The following SPSB1 variants were observed in gnomAD, a reference collection of about 807,000 sequenced individuals.
The protein encoded by SPSB1 is splA/ryanodine receptor domain and SOCS box containing 1.
Under a neutral mutation model 21.2 loss-of-function variants are expected in SPSB1, and 8 were observed. That is an observed-to-expected ratio of 0.38 (90% CI 0.22 to 0.68). The LOEUF (loss-of-function observed/expected upper bound fraction) is 0.68, where lower values mean the gene tolerates loss of function less well. Ranked by LOEUF, SPSB1 falls within the 30% of genes least tolerant of loss-of-function variation. The probability of loss-of-function intolerance (pLI) is 0.53; values close to 1 mark genes in which losing one functional copy is unlikely to be tolerated. For synonymous variants in SPSB1, 169 were observed against 161.7 expected (o/e 1.05, Z -0.34); for missense variants, 242 against 377.8 (o/e 0.64, Z 2.98).
intron 1 of SPSB1, among the ~76,000 whole-genome samples, chr1:9,340,810 G>A (rs1345528933): frequency 1.3e-5 from 2 of 152,214 alleles, no homozygotes; most frequent in African/African-American, 4.8e-5. Context: ...CTTTCTCAAC[G>A]CAGCCTGTCT....
At chr1:9,299,404 C>T (rs1039523301) in intron 1 of SPSB1, among the ~76,000 whole-genome samples, 9 of 152,086 alleles carry the variant, frequency 5.9e-5, no homozygotes, top group Admixed American at 2.0e-4. Context: ...TTCAGGAGGC[C>T]GAGGCAGGAG....
At chr1:9,361,193 G>T (rs1173382370) in intron 2 of SPSB1, among the ~76,000 whole-genome samples, 1 of 80,432 alleles carries the variant, frequency 1.2e-5, no homozygotes, top group Non-Finnish European at 2.3e-5. Flanking sequence ...TAGAGATGGG[G>T]TCTCACTATG....
Position 9,356,590 on chromosome 1 carries a change from G to C in SPSB1, c.694+5G>C. ...GCTACTTGAACGGACTCGATCGTAA[G>C]TGTCTCCTCTGCTGTCAGAGGCAAT... On this transcript the variant is annotated splice_donor_5th_base_variant and intron_variant, in intron 2 of 2. Transcript: ENST00000328089. This position sits in a 1 kb window ranked among gnomAD's most constrained non-coding sequence, Gnocchi z 7.4. The C allele has an allele frequency of 6.3e-7, 1 of 1,578,976 alleles. No homozygotes were observed. Among genetic ancestry groups the C allele is most frequent in the Non-Finnish European group, 8.6e-7 (1 of 1,158,384 alleles).
intron 1 of SPSB1, among the ~76,000 whole-genome samples, chr1:9,306,748 T>A (rs1008495833): frequency 6.6e-6 from 1 of 151,998 alleles, no homozygotes; most frequent in South Asian, 2.1e-4. Flanking sequence ...TCACTGTGGC[T>A]GGGTAAATAG....
At chr1:9,328,970 T>C (rs1639870052) in intron 1 of SPSB1, among the ~76,000 whole-genome samples, 2 of 151,386 alleles carry the variant, frequency 1.3e-5, no homozygotes, top group South Asian at 4.2e-4. Flanking sequence ...GGAGGGAGGG[T>C]AGTAAAATCA....
chr1:9,326,982 C>T (rs1423695433), intron 1 of SPSB1, among the ~76,000 whole-genome samples: 1 of 152,120 alleles, frequency 6.6e-6, no homozygotes, highest in Non-Finnish European at 1.5e-5. Context: ...TGGAGAGGCA[C>T]CTGGATCCCG....
At chr1:9,307,615 G>A in intron 1 of SPSB1, among the ~76,000 whole-genome samples, 1 of 152,022 alleles carries the variant, frequency 6.6e-6, no homozygotes, top group East Asian at 1.9e-4. Context: ...AAGGTGGGAT[G>A]GAAGAGTCTG....
chr1:9,297,562 T>C (rs185791032), intron 1 of SPSB1, among the ~76,000 whole-genome samples: 19 of 152,186 alleles, frequency 1.2e-4, no homozygotes, highest in Admixed American at 2.6e-4. Flanking sequence ...GATATTAGGA[T>C]GTGGAACGAA....
chr1:9,348,343 A>C lies in SPSB1; in HGVS notation c.-149-7400A>C, dbSNP rs920130330. 1.3e-5 allele frequency among the ~76,000 whole-genome samples: 2 copies of C among 151,960 alleles called. No homozygotes were observed. The highest frequency in any genetic ancestry group is 2.4e-5 in the African/African-American group (1 of 41,350). On this transcript the variant is annotated intron_variant, in intron 1 of 2. Coordinates refer to ENST00000328089, the MANE Select transcript of SPSB1 (RefSeq NM_025106.4). This position sits in a 1 kb window ranked among gnomAD's most constrained non-coding sequence, Gnocchi z 4.8. ...CCTCTGTGCCTTGCATAATGAAAGC[A>C]AACCGTGGCTGTATCCAGAAGGCGC...
intron 2 of SPSB1, among the ~76,000 whole-genome samples, chr1:9,358,673 G>A (rs1219471622): frequency 6.6e-6 from 1 of 152,218 alleles, no homozygotes. Context: ...ACAGACAGAT[G>A]AGGGGACTGC....
chr1:9,293,874 GT>G lies in SPSB1; in HGVS notation c.-150+804del, dbSNP rs765087292. On this transcript the variant is annotated intron_variant, in intron 1 of 2. Transcript: ENST00000328089. This position sits in a 1 kb window ranked among gnomAD's most constrained non-coding sequence, Gnocchi z 5.1. The stretch of plus-strand genomic sequence containing the variant: ...TGCATCTGCGTGTGTGTTTGTGCAT[GT>G]CCTTGTGAATATGTGCCTGCGTATG... Among the ~76,000 whole-genome samples, 2 of 152,160 alleles carry G rather than the reference GT, an allele frequency of 1.3e-5. No homozygotes were observed. The highest frequency in any genetic ancestry group is 2.9e-5 in the Non-Finnish European group (2 of 68,008).
At chr1:9,336,979 C>T (rs1023609599) in intron 1 of SPSB1, among the ~76,000 whole-genome samples, 6 of 152,162 alleles carry the variant, frequency 3.9e-5, no homozygotes, top group East Asian at 1.9e-4. Flanking sequence ...TGGGGCCTGA[C>T]TCCCTATCGT....
intron 1 of SPSB1, among the ~76,000 whole-genome samples, chr1:9,302,721 A>T (rs1366596496): frequency 6.6e-6 from 1 of 152,262 alleles, no homozygotes; most frequent in African/African-American, 2.4e-5. Context: ...TTGCAATTAC[A>T]ATGCCAGCTA....
intron 1 of SPSB1, among the ~76,000 whole-genome samples, chr1:9,302,621 C>T (rs184344311): frequency 4.5e-4 from 68 of 152,272 alleles, no homozygotes; most frequent in African/African-American, 1.5e-3. Context: ...GAGTGGTCTC[C>T]GGAGTCTTTG....
chr1:9,320,605 G>A (rs1289368289), intron 1 of SPSB1, among the ~76,000 whole-genome samples: 1 of 152,174 alleles, frequency 6.6e-6, no homozygotes, highest in Non-Finnish European at 1.5e-5. Context: ...CTTCCATTTT[G>A]CAAGTATTTG....
At position 9,317,860 on chromosome 1, in the gene SPSB1, A is replaced by C. The variant is rs1425064818; in HGVS notation, c.-150+24789A>C. ...CAATTTTTTTTTTTTTTTTTTTGAG[A>C]CCCTGCAGATTGGCGGGTCGCTTTG... On this transcript the variant is annotated intron_variant, in intron 1 of 2. Transcript: ENST00000328089. This position sits in a 1 kb window ranked among gnomAD's most constrained non-coding sequence, Gnocchi z 4.3. 7.7e-6 allele frequency among the ~76,000 whole-genome samples: 1 copy of C among 130,226 alleles called. No individual in the cohort carries two copies. The highest frequency in any genetic ancestry group is 1.6e-5 in the Non-Finnish European group (1 of 61,596). 85.4% of individuals were successfully genotyped at this position (130,226 alleles called of 152,430 possible).
At position 9,323,828 on chromosome 1, in the gene SPSB1, C is replaced by T. The variant is rs186548291; in HGVS notation, c.-150+30757C>T. On this transcript the variant is annotated intron_variant, in intron 1 of 2. Coordinates refer to ENST00000328089, the MANE Select transcript of SPSB1 (RefSeq NM_025106.4). The stretch of plus-strand genomic sequence containing the variant: ...AGGAATACATTTCTTCTGCTGTTGC[C>T]CACGGACGGCAGGGGCTGTGCCATG... Among the ~76,000 whole-genome samples, 48 of 152,308 alleles carry T rather than the reference C, an allele frequency of 3.2e-4. No homozygotes were observed. The East Asian group carries it at 8.7e-3, about 28-fold the overall frequency.
In SPSB1 at chr1:9,345,396, T is replaced by A. The variant is rs1481371541; in HGVS notation, c.-149-10347T>A. On this transcript the variant is annotated intron_variant, in intron 1 of 2. Transcript: ENST00000328089. This position sits in a 1 kb window ranked among gnomAD's most constrained non-coding sequence, Gnocchi z 4.8. ...TCCTGTGTGAACCAGATGGGCCCAG[T>A]GTGTTACCCGCCGAGGCTAGGCAGT... Among the ~76,000 whole-genome samples, 1 of 152,114 alleles carries A rather than the reference T, an allele frequency of 6.6e-6. No individual in the cohort carries two copies. The highest frequency in any genetic ancestry group is 1.5e-5 in the Non-Finnish European group (1 of 68,012).
At position 9,309,113 on chromosome 1, in the gene SPSB1, G is replaced by A. The variant is rs115042676; in HGVS notation, c.-150+16042G>A. 3.4e-3 allele frequency among the ~76,000 whole-genome samples: 510 copies of A among 152,106 alleles called. 3 individuals carry two copies. Among genetic ancestry groups the A allele is most frequent in the African/African-American group, 0.011 (476 of 41,474 alleles). ...AGGACCGGGAGAAGGCTGCAGAGCTGTGTAGCAGGGAGGGCATCAAATGCC... is the reference window on the plus strand; with the variant it reads ...AGGACCGGGAGAAGGCTGCAGAGCTATGTAGCAGGGAGGGCATCAAATGCC... On this transcript the variant is annotated intron_variant, in intron 1 of 2. Transcript: ENST00000328089.
Sources: allele counts gnomAD v4.1 joint callset (sites outside exome capture counted in the v4.1 genomes callset), GRCh38; gene constraint gnomAD v4.1.1; non-coding constraint Gnocchi (gnomAD v3.1); transcripts MANE v1.5; gene names NCBI Gene and HGNC (gene_info 2026-07-23, HGNC 2026-07-21).